Variants in SEC24B observed in about 807,000 individuals in gnomAD.
SEC24B encodes protein transport protein Sec24B.
In SEC24B, 45 loss-of-function variants were observed where a neutral mutation model predicts 142.8. The ratio of observed to expected loss-of-function variants is 0.32; its 90% confidence interval spans 0.25 to 0.40. SEC24B has a LOEUF of 0.40. SEC24B is among the 10% of genes least tolerant of loss of function. SEC24B has a pLI of 1.00. For synonymous variants in SEC24B, 574 were observed against 568.2 expected (o/e 1.01, Z -0.15); for missense variants, 1,409 against 1,526.8 (o/e 0.92, Z 1.29).
In SEC24B at chr4:109,454,006, C is replaced by T. The variant is rs570069523; in HGVS notation, c.134-8895C>T. Among the ~76,000 whole-genome samples the T allele has an allele frequency of 4.6e-4, 70 of 152,142 alleles. 1 individual carries two copies. The South Asian group carries it at 0.01, about 22-fold the overall frequency. On this transcript the variant is annotated intron_variant, in intron 1 of 23. Transcript: ENST00000265175. ...CCAAATAGCTGGGATTACAGGCATG[C>T]GCCACCACACCCGTTTAATTTTTGT...
At chr4:109,526,622 A>G (rs892104310) in intron 17 of SEC24B, among the ~76,000 whole-genome samples, 4 of 152,160 alleles carry the variant, frequency 2.6e-5, no homozygotes, top group African/African-American at 9.7e-5. Context: ...GTATTCTTAG[A>G]ATCTTGTTTC....
intron 1 of SEC24B, among the ~76,000 whole-genome samples, chr4:109,439,286 T>A (rs573681794): frequency 1.4e-4 from 21 of 152,110 alleles, no homozygotes; most frequent in African/African-American, 4.8e-4. Flanking sequence ...TGAGGGCACA[T>A]GCAGCATTTA....
rs1224772432 is a variant in SEC24B, at chr4:109,463,276, C to T, written c.509C>T (p.Ser170Phe). The T allele has an allele frequency of 6.2e-7, 1 of 1,614,062 alleles. No individual in the cohort carries two copies. The highest frequency in any genetic ancestry group is 8.5e-7 in the Non-Finnish European group (1 of 1,180,040). Reference protein sequence around the residue: ...NSPAMYSASSSVASQGFPSTC... With the variant: ...NSPAMYSASSFVASQGFPSTC... ...CCAGCCATGTACTCTGCCAGCTCTT[C>T]TGTTGCGTCTCAGGGATTTCCCTCT... Residue 170 changes from serine (S) to phenylalanine (F), a missense_variant, in exon 2 of 24, where the codon TCT becomes TTT. By Grantham distance (155) the Ser-to-Phe change is radical (BLOSUM62 -2). Around this residue, in one of 2 missense-constraint regions of SEC24B, gnomAD observed 709 missense variants for 673.5 expected, o/e 1.05. Coordinates refer to ENST00000265175, the MANE Select transcript of SEC24B (RefSeq NM_006323.5).
chr4:109,494,187 G>T (rs1335775194), intron 5 of SEC24B, among the ~76,000 whole-genome samples: 1 of 151,918 alleles, frequency 6.6e-6, no homozygotes, highest in Non-Finnish European at 1.5e-5. Flanking sequence ...AACTCAAGGG[G>T]CTCACACCTG....
intron 4 of SEC24B, among the ~76,000 whole-genome samples, chr4:109,485,831 T>A (rs531713076): frequency 7.2e-5 from 11 of 152,218 alleles, no homozygotes; most frequent in Non-Finnish European, 1.3e-4. Flanking sequence ...TGGCATTTAT[T>A]CCCTTTATTT....
intron 1 of SEC24B, chr4:109,449,524 G>A (rs530282968): frequency 2.9e-5 from 13 of 455,020 alleles, no homozygotes; most frequent in African/African-American, 6.0e-5. Flanking sequence ...GTGCCACTAC[G>A]CCCAGACATT....
chr4:109,534,578 C>T (rs1420008150), intron 22 of SEC24B, among the ~76,000 whole-genome samples: 3 of 151,626 alleles, frequency 2.0e-5, no homozygotes, highest in African/African-American at 7.3e-5. Flanking sequence ...CACAGCGAGA[C>T]TCCAACTAAA....
chr4:109,509,083 A>G (rs977346939), intron 7 of SEC24B, among the ~76,000 whole-genome samples: 1 of 152,218 alleles, frequency 6.6e-6, no homozygotes, highest in Admixed American at 6.5e-5. Context: ...GAGTCTGGAC[A>G]GGTTTACCCA....
chr4:109,456,251 T>C (rs1730653816), intron 1 of SEC24B, among the ~76,000 whole-genome samples: 1 of 152,012 alleles, frequency 6.6e-6, no homozygotes, highest in South Asian at 2.1e-4. Context: ...AACTCACTTA[T>C]TAATTCCAGG....
intron 5 of SEC24B, among the ~76,000 whole-genome samples, chr4:109,493,860 G>T (rs1578891315): frequency 1.3e-5 from 2 of 152,170 alleles, no homozygotes; most frequent in South Asian, 2.1e-4. Context: ...CTCCTAAAGT[G>T]CTGGGATTAC....
intron 1 of SEC24B, among the ~76,000 whole-genome samples, chr4:109,450,316 A>G (rs1033796860): frequency 1.3e-5 from 2 of 152,118 alleles, no homozygotes; most frequent in Non-Finnish European, 2.9e-5. Context: ...ATTAAGAAAT[A>G]TTCTTTGGGA....
chr4:109,495,232 A>C (rs1735418944), intron 6 of SEC24B, among the ~76,000 whole-genome samples: 1 of 152,224 alleles, frequency 6.6e-6, no homozygotes, highest in Non-Finnish European at 1.5e-5. Context: ...TCTCCTTAGA[A>C]AATGACAGGT....
At chr4:109,531,601 A>G (rs1724939231) in intron 20 of SEC24B, 79 bp downstream of exon 20, 1 of 1,072,420 alleles carries the variant, frequency 9.3e-7, no homozygotes, top group African/African-American at 1.6e-5. Context: ...ATGATAATAT[A>G]CTATCAACTG....
intron 22 of SEC24B, among the ~76,000 whole-genome samples, chr4:109,536,103 C>G: frequency 6.6e-6 from 1 of 151,230 alleles, no homozygotes; most frequent in East Asian, 1.9e-4. Context: ...ACAGATAATC[C>G]AAGAGTTCAT....
chr4:109,538,203 C>T (rs1159222205), intron 22 of SEC24B, among the ~76,000 whole-genome samples: 3 of 152,150 alleles, frequency 2.0e-5, no homozygotes, highest in Non-Finnish European at 2.9e-5. Context: ...AGCCGCCACA[C>T]AATACTGGTG....
chr4:109,506,267 A>G, intron 6 of SEC24B, 61 bp from the exon 7 acceptor site: 1 of 1,245,668 alleles, frequency 8.0e-7, no homozygotes, highest in South Asian at 2.3e-5. Context: ...TATGTAGTAT[A>G]TATAAGAAAA....
At chr4:109,472,296 C>T (rs1732603536) in intron 2 of SEC24B, among the ~76,000 whole-genome samples, 1 of 152,174 alleles carries the variant, frequency 6.6e-6, no homozygotes. Context: ...GTTGGATAAT[C>T]TTGAAGATTA....
intron 1 of SEC24B, among the ~76,000 whole-genome samples, chr4:109,453,880 G>C (rs557767514): frequency 2.0e-5 from 3 of 152,220 alleles, no homozygotes; most frequent in African/African-American, 7.2e-5. Flanking sequence ...CGCAACAGAC[G>C]GAGTTTCGCT....
chr4:109,505,403 T>A (rs1203709013), intron 6 of SEC24B, among the ~76,000 whole-genome samples: 1 of 152,038 alleles, frequency 6.6e-6, no homozygotes, highest in Admixed American at 6.6e-5. Flanking sequence ...AAATGTATAT[T>A]ATAGGATAAA....
Sources: gnomAD v4.1 joint callset for allele counts (sites outside exome capture counted in the v4.1 genomes callset) on GRCh38, gnomAD v4.1.1 for gene constraint, gnomAD v4.1.1 regional missense constraint, MANE v1.5 for transcripts, NCBI Gene and HGNC (gene_info 2026-07-23, HGNC 2026-07-21) for gene names.